The following RBFOX1 variants were observed in gnomAD, a reference collection of about 807,000 sequenced individuals.
The protein encoded by RBFOX1 is RNA binding fox-1 homolog 1.
In RBFOX1, 8 loss-of-function variants were observed where a neutral mutation model predicts 57.7. The observed-to-expected ratio is 0.14, with a 90% CI of 0.08 to 0.25. The LOEUF (loss-of-function observed/expected upper bound fraction) is 0.25. RBFOX1 is among the 10% of genes least tolerant of loss of function. The pLI is 1.00. For synonymous variants in RBFOX1, 326 were observed against 222.4 expected, an observed-to-expected ratio of 1.47 and a Z score of -4.15; for missense variants, 611 against 548.5, an observed-to-expected ratio of 1.11 and a Z score of -1.14.
intron 1 of RBFOX1, among the ~76,000 whole-genome samples, chr16:6,175,387 G>C (rs1033220682): frequency 4.6e-5 from 7 of 152,056 alleles, no homozygotes; most frequent in African/African-American, 1.7e-4. Context: ...TTTATGATGC[G>C]CATTAGTATG....
intron 1 of RBFOX1, among the ~76,000 whole-genome samples, chr16:6,112,138 G>A (rs984849830): frequency 6.6e-6 from 1 of 152,126 alleles, no homozygotes; most frequent in Non-Finnish European, 1.5e-5. Flanking sequence ...TTAGCTAGCT[G>A]GAGCCAATTA....
intron 1 of RBFOX1, among the ~76,000 whole-genome samples, chr16:6,074,181 CT>C (rs2095869122): frequency 6.6e-6 from 1 of 152,116 alleles, no homozygotes; most frequent in African/African-American, 2.4e-5. Context: ...ACCTTCTGAC[CT>C]TGTGATCCGC....
At chr16:7,617,321 A>G (rs918652234) in intron 10 of RBFOX1, among the ~76,000 whole-genome samples, 3 of 152,244 alleles carry the variant, frequency 2.0e-5, no homozygotes, top group African/African-American at 4.8e-5. Context: ...CAGTAAAACT[A>G]AGGACGTGGA....
intron 4 of RBFOX1, among the ~76,000 whole-genome samples, chr16:7,174,673 G>C (rs531783568): frequency 6.6e-6 from 1 of 152,262 alleles, no homozygotes; most frequent in East Asian, 1.9e-4. Context: ...CCAGCTACTC[G>C]GGAGTCTGAG....
chr16:5,722,879 C>T (rs771659113), intron 3 of RBFOX1, among the ~76,000 whole-genome samples: 1 of 152,162 alleles, frequency 6.6e-6, no homozygotes, highest in African/African-American at 2.4e-5. Context: ...CTGTTGCCAG[C>T]TCTCATTTTA....
At chr16:6,622,906 C>A (rs956608701) in intron 2 of RBFOX1, among the ~76,000 whole-genome samples, 1 of 152,144 alleles carries the variant, frequency 6.6e-6, no homozygotes, top group East Asian at 1.9e-4. Context: ...ACATAATGCC[C>A]CCTCAGAATG....
At chr16:6,758,303 A>G (rs2076113739) in intron 3 of RBFOX1, among the ~76,000 whole-genome samples, 1 of 152,094 alleles carries the variant, frequency 6.6e-6, no homozygotes, top group Non-Finnish European at 1.5e-5. Context: ...AAATGTCCCA[A>G]TAAAAATTTT....
chr16:7,392,495 A>G (rs978823056), intron 4 of RBFOX1, among the ~76,000 whole-genome samples: 8 of 152,186 alleles, frequency 5.3e-5, no homozygotes, highest in African/African-American at 1.7e-4. Context: ...TGGTCCTACC[A>G]AAACCAGTGA....
chr16:7,617,522 T>C (rs772725594), intron 10 of RBFOX1, among the ~76,000 whole-genome samples: 8 of 152,168 alleles, frequency 5.3e-5, no homozygotes, highest in Non-Finnish European at 1.2e-4. Flanking sequence ...CTTTTGGTTT[T>C]TTAAATTGCA....
At chr16:5,452,498 C>A (rs1353875513) in intron 1 of RBFOX1, among the ~76,000 whole-genome samples, 4 of 152,096 alleles carry the variant, frequency 2.6e-5, no homozygotes, top group Non-Finnish European at 5.9e-5. Context: ...ACTGCTTTCT[C>A]CTTTCATTCC....
intron 2 of RBFOX1, among the ~76,000 whole-genome samples, chr16:6,479,278 C>G (rs747601486): frequency 6.6e-6 from 1 of 152,170 alleles, no homozygotes; most frequent in African/African-American, 2.4e-5. Flanking sequence ...GTAGACACAT[C>G]TTACATGGCG....
rs537757788 is a variant in RBFOX1 at position 7,469,143 on chromosome 16, C to T, written c.28-49004C>T. Among the ~76,000 whole-genome samples the T allele has an allele frequency of 5.3e-5, 8 of 152,190 alleles. No homozygotes were observed. The South Asian group carries it at 1.2e-3, about 24-fold the overall frequency. On this transcript the variant is annotated intron_variant, in intron 4 of 15. Coordinates refer to ENST00000550418, the MANE Select transcript of RBFOX1 (RefSeq NM_018723.4). ...TAGAGACGGGGTTTGACCGTGTTAG[C>T]CAGGATGGTCTCAATCTCCTGACCT...
chr16:5,784,683 T>C (rs1379353187), intron 3 of RBFOX1, among the ~76,000 whole-genome samples: 1 of 152,268 alleles, frequency 6.6e-6, no homozygotes, highest in East Asian at 1.9e-4. Flanking sequence ...CAGATCGAAA[T>C]CATGTCAGTA....
chr16:6,101,361 A>T (rs12597236), intron 1 of RBFOX1, among the ~76,000 whole-genome samples: 104,240 of 152,124 alleles, frequency 0.69, 36,648 homozygotes, highest in African/African-American at 0.84. Context: ...ATGTCCTCAT[A>T]CTGAACCAAG....
intron 4 of RBFOX1, among the ~76,000 whole-genome samples, chr16:7,307,202 G>C (rs146744609): frequency 2.0e-5 from 3 of 152,090 alleles, no homozygotes; most frequent in African/African-American, 7.2e-5. Flanking sequence ...CTGACCACCG[G>C]CCATCGAGTC....
At chr16:7,150,153 T>C (rs534435014) in intron 4 of RBFOX1, among the ~76,000 whole-genome samples, 1 of 152,268 alleles carries the variant, frequency 6.6e-6, no homozygotes, top group African/African-American at 2.4e-5. Context: ...ATGTTTCCTA[T>C]TAGCAGCCTC....
intron 3 of RBFOX1, among the ~76,000 whole-genome samples, chr16:6,784,941 A>T (rs2081669336): frequency 2.0e-5 from 3 of 152,258 alleles, no homozygotes; most frequent in African/African-American, 7.2e-5. Context: ...TAGCACAAGC[A>T]GTGTTTCTTA....
At chr16:6,375,414 A>T (rs1220140931) in intron 2 of RBFOX1, among the ~76,000 whole-genome samples, 2 of 148,972 alleles carry the variant, frequency 1.3e-5, no homozygotes, top group Non-Finnish European at 3.0e-5. Context: ...GCTCTAGAGT[A>T]TTTTTTTTTT....
At chr16:5,490,676 C>T (rs563236796) in intron 2 of RBFOX1, among the ~76,000 whole-genome samples, 4 of 152,248 alleles carry the variant, frequency 2.6e-5, no homozygotes, top group African/African-American at 9.6e-5. Context: ...GCAGACCGCC[C>T]GGAAACTTCA....
Sources: allele counts gnomAD v4.1 joint callset (sites outside exome capture counted in the v4.1 genomes callset), GRCh38; gene constraint gnomAD v4.1.1; transcripts MANE v1.5; gene names NCBI Gene and HGNC (gene_info 2026-07-23, HGNC 2026-07-21).